Variants in AOPEP observed in about 807,000 individuals in gnomAD.
AOPEP encodes aminopeptidase O (putative), also known as aminopeptidase O.
A neutral mutation model predicts 98.1 loss-of-function variants in AOPEP; 77 were observed. The ratio of observed to expected loss-of-function variants is 0.78; its 90% CI spans 0.65 to 0.95. AOPEP has a LOEUF of 0.95. Ranked by LOEUF, AOPEP falls within the 40% of genes least tolerant of loss-of-function variation. The pLI, the probability that AOPEP is intolerant of heterozygous loss-of-function variation, is 0.00. For synonymous variants in AOPEP, 346 were observed against 365.3 expected (o/e 0.95, Z 0.60); for missense variants, 1,024 against 1,024.7 (o/e 1.00, Z 0.01).
chr9:94,800,214 A>G (rs376002379), intron 4 of AOPEP, among the ~76,000 whole-genome samples: 1 of 152,198 alleles, frequency 6.6e-6, no homozygotes, highest in Non-Finnish European at 1.5e-5. Context: ...TTAGATTACT[A>G]TTCAGTAAAA....
intron 13 of AOPEP, among the ~76,000 whole-genome samples, chr9:95,055,966 A>G (rs1269731015): frequency 2.0e-5 from 3 of 152,092 alleles, no homozygotes; most frequent in Non-Finnish European, 4.4e-5. Context: ...CTTTTCTGGA[A>G]GAAGAATGCT....
At chr9:94,731,213 A>C (rs953163759) in intron 1 of AOPEP, among the ~76,000 whole-genome samples, 1 of 151,792 alleles carries the variant, frequency 6.6e-6, no homozygotes, top group Admixed American at 6.6e-5. Context: ...TTAACAAGTC[A>C]AGAGACTTAT....
chr9:94,750,563 G>A (rs1011940510), intron 1 of AOPEP, among the ~76,000 whole-genome samples: 3 of 151,900 alleles, frequency 2.0e-5, no homozygotes, highest in East Asian at 2.0e-4. Context: ...CCAGCCTGGC[G>A]ACAGAGCGAG....
At chr9:95,110,752 A>AGTT in the AOPEP span, 3 of 1,098,528 alleles carry the variant, frequency 2.7e-6, no homozygotes, top group Non-Finnish European at 3.3e-6. Context: ...GAGCACTGGC[A>AGTT]GTTGAAGTTT....
downstream of AOPEP, among the ~76,000 whole-genome samples, chr9:95,089,062 C>G (rs1587994641): frequency 6.6e-6 from 1 of 152,328 alleles, no homozygotes; most frequent in Admixed American, 6.5e-5. Flanking sequence ...CCCCGAGGCT[C>G]TGCAACTGCC....
chr9:95,036,550 A>G (rs1010350093), intron 13 of AOPEP, among the ~76,000 whole-genome samples: 1 of 152,182 alleles, frequency 6.6e-6, no homozygotes, highest in Non-Finnish European at 1.5e-5. Flanking sequence ...GCCATAAAGT[A>G]TGTGTTTACT....
At chr9:95,091,355 C>T (rs1426653723), downstream of AOPEP, among the ~76,000 whole-genome samples, 1 of 152,192 alleles carries the variant, frequency 6.6e-6, no homozygotes, top group Non-Finnish European at 1.5e-5. Context: ...GCAGGGCCCA[C>T]CACACCCCAT....
At chr9:94,838,909 CTTTTTTTTT>C (rs35849023) in intron 5 of AOPEP, among the ~76,000 whole-genome samples, 2 of 99,770 alleles carry the variant, frequency 2.0e-5, no homozygotes, top group Non-Finnish European at 3.6e-5. Context: ...AAATGCTATT[CTTTTTTTTT>C]TTTTTTTTTT....
chr9:94,817,596 G>A (rs1851986746), intron 5 of AOPEP, among the ~76,000 whole-genome samples: 1 of 152,214 alleles, frequency 6.6e-6, no homozygotes, highest in Non-Finnish European at 1.5e-5. Flanking sequence ...TTGAGGTCTA[G>A]TAGGACGAGT....
chr9:94,990,595 A>G (rs2060830667), intron 11 of AOPEP, among the ~76,000 whole-genome samples: 1 of 148,636 alleles, frequency 6.7e-6, no homozygotes, highest in Non-Finnish European at 1.5e-5. Flanking sequence ...CTCTTCGTCA[A>G]AAGCAGATTA....
intron 5 of AOPEP, among the ~76,000 whole-genome samples, chr9:94,828,758 A>C (rs1280351741): frequency 6.6e-6 from 1 of 150,692 alleles, no homozygotes; most frequent in Non-Finnish European, 1.5e-5. Flanking sequence ...CACACACACA[A>C]TATATATATA....
chr9:95,114,598 GTAGATT>G, the AOPEP span: 1 of 1,583,838 alleles, frequency 6.3e-7, no homozygotes, highest in Non-Finnish European at 8.7e-7. Context: ...CATGTGTGAA[GTAGATT>G]TGGGAGTGGT....
chr9:94,735,283 C>T (rs1190107077), intron 1 of AOPEP, among the ~76,000 whole-genome samples: 1 of 152,238 alleles, frequency 6.6e-6, no homozygotes, highest in Non-Finnish European at 1.5e-5. Flanking sequence ...TGCAGTGGTG[C>T]GATCTCGGCT....
At chr9:95,074,807 C>T (rs774176528) in intron 14 of AOPEP, among the ~76,000 whole-genome samples, 17 of 152,350 alleles carry the variant, frequency 1.1e-4, no homozygotes, top group Non-Finnish European at 2.4e-4. Flanking sequence ...GCCAGCCAGG[C>T]CCAGGCCGCA....
At chr9:94,792,509 T>C (rs1043638311) in intron 3 of AOPEP, among the ~76,000 whole-genome samples, 1 of 152,150 alleles carries the variant, frequency 6.6e-6, no homozygotes, top group South Asian at 2.1e-4. Flanking sequence ...CCCCCTGCAC[T>C]ACCACCCTCA....
the AOPEP span, among the ~76,000 whole-genome samples, chr9:95,147,038 TAC>T: frequency 1.3e-5 from 2 of 150,372 alleles, no homozygotes; most frequent in Non-Finnish European, 3.0e-5. Context: ...TATGTATATA[TAC>T]AGTGTATATT....
In AOPEP at chr9:94,967,778, G is replaced by A; in HGVS notation, c.1893G>A (p.Leu631=). ...CCCAGGATTTCCTTCAAATGCTACT[G>A]GAGAACATTCCAGAAGAAAAAAGGT... ...ILSQDFLQML[L]ENIPEEKRLE... Residue 631 remains leucine, a synonymous_variant, in exon 10 of 17, where the codon CTG becomes CTA. Coordinates refer to ENST00000375315, the MANE Select transcript of AOPEP (RefSeq NM_001193329.3). The A allele has an allele frequency of 6.2e-7, 1 of 1,613,320 alleles. No homozygotes were observed. The highest frequency in any genetic ancestry group is 8.5e-7 in the Non-Finnish European group (1 of 1,179,314).
the AOPEP span, among the ~76,000 whole-genome samples, chr9:95,096,472 T>A: frequency 1.4e-4 from 21 of 151,780 alleles, no homozygotes; most frequent in Non-Finnish European, 2.2e-4. Context: ...CCACCTGGGA[T>A]GTGGTAAGCA....
At chr9:95,073,295 G>C (rs2068686353) in intron 14 of AOPEP, among the ~76,000 whole-genome samples, 1 of 152,184 alleles carries the variant, frequency 6.6e-6, no homozygotes, top group African/African-American at 2.4e-5. Context: ...TGGAGCTGGA[G>C]TGGGGCCTGG....
Sources: allele counts gnomAD v4.1 joint callset (sites outside exome capture counted in the v4.1 genomes callset), GRCh38; gene constraint gnomAD v4.1.1; transcripts MANE v1.5; gene names NCBI Gene and HGNC (gene_info 2026-07-23, HGNC 2026-07-21).